Variants in POU2F2 observed in about 807,000 individuals in gnomAD.
The protein encoded by POU2F2 is POU domain, class 2, transcription factor 2.
Under a neutral mutation model 63.5 loss-of-function variants are expected in POU2F2, and 14 were observed. The observed-to-expected ratio is 0.22, with a 90% confidence interval of 0.15 to 0.34. The LOEUF (loss-of-function observed/expected upper bound fraction) is 0.34, where lower values mean the gene tolerates loss of function less well. Ranked by LOEUF, POU2F2 falls within the 10% of genes least tolerant of loss-of-function variation. POU2F2 has a pLI of 1.00. For missense variants in POU2F2, 607 were observed against 815.2 expected (o/e 0.74, Z 3.11); for synonymous variants, 306 against 348.6 (o/e 0.88, Z 1.36).
chr19:42,187,991 A>G (rs1465227085), intron 1 of POU2F2, among the ~76,000 whole-genome samples: 2 of 151,906 alleles, frequency 1.3e-5, no homozygotes, highest in Non-Finnish European at 2.9e-5. Flanking sequence ...AAATCATTCT[A>G]TATTTCATTT....
intron 4 of POU2F2, among the ~76,000 whole-genome samples, chr19:42,119,482 G>A (rs1024055384): frequency 1.3e-5 from 2 of 152,204 alleles, no homozygotes; most frequent in Non-Finnish European, 1.5e-5. Context: ...AGACCAGCCT[G>A]GCCAACATGG....
chr19:42,189,771 C>A (rs1009916384), intron 1 of POU2F2, among the ~76,000 whole-genome samples: 5 of 152,136 alleles, frequency 3.3e-5, no homozygotes, highest in African/African-American at 1.2e-4. Context: ...ACTCTGTCAC[C>A]TAGGCTGGAG....
chr19:42,157,476 G>C (rs1464934520), intron 2 of POU2F2: 1 of 152,228 alleles, frequency 6.6e-6, no homozygotes. Flanking sequence ...AGCACACAAG[G>C]AATCCCAGAA....
chr19:42,151,575 C>T (rs539185991), intron 2 of POU2F2, among the ~76,000 whole-genome samples: 2 of 152,248 alleles, frequency 1.3e-5, no homozygotes, highest in Admixed American at 6.5e-5. Context: ...CCCTACGGAT[C>T]CCAGAGCCAT....
chr19:42,094,347 G>A (rs1283181852), intron 11 of POU2F2, among the ~76,000 whole-genome samples: 2 of 152,118 alleles, frequency 1.3e-5, no homozygotes, highest in Non-Finnish European at 2.9e-5. Context: ...AAAGTGCGAG[G>A]CTAAATGGAT....
At chr19:42,115,271 T>C (rs1298522285) in intron 5 of POU2F2, among the ~76,000 whole-genome samples, 5 of 151,990 alleles carry the variant, frequency 3.3e-5, no homozygotes, top group African/African-American at 1.2e-4. Context: ...CAGCTCAGTG[T>C]TAAGGAAAGT....
At chr19:42,133,953 T>G (rs1470123231), upstream of POU2F2, among the ~76,000 whole-genome samples, 1 of 152,046 alleles carries the variant, frequency 6.6e-6, no homozygotes, top group East Asian at 1.9e-4. The surrounding 1 kb of genome is among the most constrained non-coding windows in gnomAD (Gnocchi z 5.1). Context: ...GGACTGGCAG[T>G]TCTCATATAT....
At chr19:42,161,999 T>C (rs1347577782) in intron 1 of POU2F2, among the ~76,000 whole-genome samples, 2 of 152,190 alleles carry the variant, frequency 1.3e-5, no homozygotes, top group African/African-American at 4.8e-5. Context: ...TCAAAACAAT[T>C]AGCCGCGCTG....
At chr19:42,145,185 T>C (rs962540949) in intron 2 of POU2F2, among the ~76,000 whole-genome samples, 1 of 152,276 alleles carries the variant, frequency 6.6e-6, no homozygotes, top group Non-Finnish European at 1.5e-5. Flanking sequence ...AAATATCAGT[T>C]AACGTGGCAT....
intron 1 of POU2F2, among the ~76,000 whole-genome samples, chr19:42,125,568 C>G (rs1401341591): frequency 6.6e-6 from 1 of 152,122 alleles, no homozygotes; most frequent in African/African-American, 2.4e-5. Context: ...CTGCCTGATC[C>G]TAGCTCTAGT....
chr19:42,197,834 C>T (rs1156387956), upstream of POU2F2, among the ~76,000 whole-genome samples: 1 of 152,122 alleles, frequency 6.6e-6, no homozygotes, highest in African/African-American at 2.4e-5. Context: ...AGCTTAGGCG[C>T]TTCATCAGCC....
Position 42,095,243 on chromosome 19 carries a change from G to A in POU2F2, c.1197+43C>T, listed in dbSNP as rs1416191740. 5.1e-6 allele frequency: 8 copies of A among 1,581,384 alleles called. No homozygotes were observed. The highest frequency in any genetic ancestry group is 2.7e-5 in the African/African-American group (2 of 74,382). On this transcript the variant is annotated intron_variant, in intron 11 of 14. Transcript: ENST00000692977. This position sits in a 1 kb window ranked among gnomAD's most constrained non-coding sequence, Gnocchi z 7.1. ...GGGTGGGCTTCACACAGGTGCCTGC[G>A]GAGCTCTGTGGTCTCCCCACCCCCC...
intron 1 of POU2F2, among the ~76,000 whole-genome samples, chr19:42,166,953 G>A (rs903848855): frequency 1.3e-5 from 2 of 152,132 alleles, no homozygotes; most frequent in Non-Finnish European, 2.9e-5. Context: ...GGTGACAGGG[G>A]ATCCGGCTTC....
chr19:42,091,933 T>C lies in POU2F2; in HGVS notation c.1474A>G (p.Met492Val), dbSNP rs771307101. Residue 492 changes from methionine to valine, a missense_variant, in exon 14 of 15, where the codon ATG becomes GTG. Around this residue, in one of 7 missense-constraint regions of POU2F2, gnomAD observed 270 missense variants for 307.5 expected, o/e 0.88. Coordinates refer to ENST00000692977, the MANE Select transcript of POU2F2 (RefSeq NM_001394376.1). ...CTCAGCCCGGAGCTCAACCCCACCATTGTGCTTCTGCAAGAGGCAAAGCAG... is the reference window on the plus strand; with the variant it reads ...CTCAGCCCGGAGCTCAACCCCACCACTGTGCTTCTGCAAGAGGCAAAGCAG... Reference protein sequence around the residue: ...SGLNPSTGSTMVGLSSGLSPA... With the variant: ...SGLNPSTGSTVVGLSSGLSPA... 12 of 1,541,724 alleles carry C rather than the reference T, an allele frequency of 7.8e-6. No individual in the cohort carries two copies. The South Asian group carries it at 1.1e-4, about 14-fold the overall frequency.
rs2076871931 is a variant in POU2F2 at position 42,095,201 on chromosome 19, C to T, written c.1197+85G>A. ...ACTCTTCTTGTCTCTGTTCTAGGCT[C>T]TGTGGACAACCAGGTAGGGTGGGCT... On this transcript the variant is annotated intron_variant, in intron 11 of 14. Transcript: ENST00000692977. This position sits in a 1 kb window ranked among gnomAD's most constrained non-coding sequence, Gnocchi z 7.1. The T allele has an allele frequency of 6.9e-7, 1 of 1,455,958 alleles. No individual in the cohort carries two copies. The highest frequency in any genetic ancestry group is 9.2e-7 in the Non-Finnish European group (1 of 1,087,942). The allele number at this position is 1,455,958 out of a possible 1,614,324, so 90.2% of individuals were successfully genotyped here.
Position 42,117,016 on chromosome 19 carries a change from T to A in POU2F2, c.369+234A>T. ...CATCAGTGCCGTGAGCTGCGGGGTG[T>A]CGGGGACAGCAGGAATTGGAGCAAG... On this transcript the variant is annotated intron_variant, in intron 5 of 14. Transcript: ENST00000692977. This position sits in a 1 kb window ranked among gnomAD's most constrained non-coding sequence, Gnocchi z 4.4. 1.6e-6 allele frequency: 1 copy of A among 628,474 alleles called. No individual in the cohort carries two copies. Among genetic ancestry groups the A allele is most frequent in the Non-Finnish European group, 2.9e-6 (1 of 347,600 alleles). The allele number at this position is 628,474 out of a possible 1,614,324, so 38.9% of individuals were successfully genotyped here. A position where few individuals can be genotyped will look rare whatever the true frequency, so the allele number is the denominator to read the frequency against.
At chr19:42,135,608 C>A (rs1056693825), upstream of POU2F2, among the ~76,000 whole-genome samples, 41 of 152,102 alleles carry the variant, frequency 2.7e-4, 2 homozygotes, top group Admixed American at 2.7e-3. Flanking sequence ...ACACTGCTTG[C>A]CACTCTTGCC....
chr19:42,143,021 C>T (rs2034160477), intron 2 of POU2F2, among the ~76,000 whole-genome samples: 1 of 152,178 alleles, frequency 6.6e-6, no homozygotes, highest in African/African-American at 2.4e-5. Context: ...TTCTGGGTGC[C>T]TTTGACATCT....
intron 2 of POU2F2, among the ~76,000 whole-genome samples, chr19:42,144,216 G>C (rs1422676016): frequency 6.6e-6 from 1 of 152,154 alleles, no homozygotes; most frequent in Non-Finnish European, 1.5e-5. Context: ...ATTCAGATTA[G>C]AACCATGATA....
Sources: allele counts gnomAD v4.1 joint callset (sites outside exome capture counted in the v4.1 genomes callset), GRCh38; gene constraint gnomAD v4.1.1; regional missense constraint gnomAD v4.1.1; non-coding constraint Gnocchi (gnomAD v3.1); transcripts MANE v1.5; gene names NCBI Gene and HGNC (gene_info 2026-07-23, HGNC 2026-07-21).